Variants in TRPM8 observed in about 807,000 individuals in gnomAD.
TRPM8 encodes the protein TRPM8 cationic channel.
A neutral mutation model predicts 133.7 loss-of-function variants in TRPM8; 110 were observed. That is an observed-to-expected ratio of 0.82 (90% CI 0.70 to 0.96). TRPM8 has a LOEUF of 0.96. Ranked by LOEUF, TRPM8 falls within the 40% of genes least tolerant of loss-of-function variation. TRPM8 has a pLI of 0.00. For synonymous variants in TRPM8, 535 were observed against 532.3 expected, an observed-to-expected ratio of 1.01 and a Z score of -0.07; for missense variants, 1,291 against 1,379.5, an observed-to-expected ratio of 0.94 and a Z score of 1.02.
Position 233,970,396 on chromosome 2 carries a change from C to G in TRPM8, c.2325C>G (p.Val775=). Reference sequence around the variant, plus strand: ...CCGAGCTGGTCCTGTACTCGCTGGTCTTTGTCCTCTTCTGTGATGAAGTGA... The same window carrying G: ...CCGAGCTGGTCCTGTACTCGCTGGTGTTTGTCCTCTTCTGTGATGAAGTGA... ...HPPELVLYSL[V]FVLFCDEVRQ... is the part of the protein sequence containing the mutation. The change falls in exon 17 of 26, where the codon GTC becomes GTG. Residue 775 remains valine, a synonymous_variant. Coordinates refer to ENST00000324695, the MANE Select transcript of TRPM8 (RefSeq NM_024080.5). The G allele has an allele frequency of 6.2e-7, 1 of 1,614,108 alleles. No individual in the cohort carries two copies. Among genetic ancestry groups the G allele is most frequent in the Non-Finnish European group, 8.5e-7 (1 of 1,180,016 alleles).
intron 2 of TRPM8, among the ~76,000 whole-genome samples, chr2:233,927,804 C>T (rs796676221): frequency 4.6e-4 from 20 of 43,336 alleles, no homozygotes; most frequent in African/African-American, 3.1e-3. Flanking sequence ...TCTTTCCTTC[C>T]TTCCTTCCTT....
chr2:233,960,371 T>A (rs1386247854), intron 11 of TRPM8, among the ~76,000 whole-genome samples: 1 of 152,138 alleles, frequency 6.6e-6, no homozygotes, highest in Non-Finnish European at 1.5e-5. Context: ...GCTGTCAACT[T>A]CAAAGAGGTG....
Position 233,985,730 on chromosome 2 carries a change from A to G in TRPM8, c.2804A>G (p.Glu935Gly), listed in dbSNP as rs778692324. Residue 935 changes from glutamate to glycine, a missense_variant, in exon 21 of 26, where the codon GAG becomes GGG. Transcript: ENST00000324695. ...GCCCACTGCACCTTCACTGGGAATG[A>G]GTCCAAGCCACTGTGTGTGGAGCTG... ...DFAHCTFTGN[E>G]SKPLCVELDE... 1.2e-6 allele frequency: 2 copies of G among 1,614,072 alleles called. No homozygotes were observed. Among genetic ancestry groups the G allele is most frequent in the Admixed American group, 3.3e-5 (2 of 60,002 alleles).
At chr2:233,986,956 G>A (rs1187674542) in intron 21 of TRPM8, among the ~76,000 whole-genome samples, 1 of 152,374 alleles carries the variant, frequency 6.6e-6, no homozygotes, top group East Asian at 1.9e-4. Context: ...GTTAAAGGGA[G>A]TCTCTGGTGT....
intron 11 of TRPM8, among the ~76,000 whole-genome samples, chr2:233,957,825 A>G (rs1470940651): frequency 6.6e-6 from 1 of 152,150 alleles, no homozygotes; most frequent in Non-Finnish European, 1.5e-5. Context: ...AGCAAACACT[A>G]CAAATTAGGA....
Position 233,926,605 on chromosome 2 carries a change from C to T in TRPM8, c.68C>T (p.Thr23Ile). The T allele has an allele frequency of 6.2e-7, 1 of 1,614,146 alleles. No individual in the cohort carries two copies. The highest frequency in any genetic ancestry group is 1.1e-5 in the South Asian group (1 of 91,070). The change falls in exon 2 of 26, where the codon ACC becomes ATC. Residue 23 changes from threonine to isoleucine, a missense_variant. By Grantham distance (89) the Thr-to-Ile change is moderately conservative. This residue lies in a region of TRPM8 where 963 missense variants were observed against 968.9 expected (regional missense o/e 0.99). Transcript: ENST00000324695. Reference sequence around the variant, plus strand: ...AATGACACTCTGGACAGCACCCGGACCCTGTACTCCAGCGCGTCTCGGAGC... The same window carrying T: ...AATGACACTCTGGACAGCACCCGGATCCTGTACTCCAGCGCGTCTCGGAGC... ...RRNDTLDSTR[T>I]LYSSASRSTD...
At chr2:233,920,300 G>A (rs554567591) in intron 1 of TRPM8, among the ~76,000 whole-genome samples, 24 of 152,272 alleles carry the variant, frequency 1.6e-4, no homozygotes, top group Admixed American at 3.3e-4. Flanking sequence ...AATTTTTACT[G>A]AGGTTATCTC....
At chr2:233,934,772 G>A (rs1417989003) in intron 3 of TRPM8, among the ~76,000 whole-genome samples, 3 of 152,206 alleles carry the variant, frequency 2.0e-5, no homozygotes, top group African/African-American at 7.2e-5. Context: ...GCAGAAACTT[G>A]GCCACAGTTT....
intron 1 of TRPM8, among the ~76,000 whole-genome samples, chr2:233,920,756 C>A (rs947075589): frequency 1.3e-5 from 2 of 152,094 alleles, no homozygotes; most frequent in Non-Finnish European, 1.5e-5. Context: ...TACTCTTCAC[C>A]CAGTTCCCCT....
intron 1 of TRPM8, among the ~76,000 whole-genome samples, chr2:233,919,106 G>T (rs1691358965): frequency 6.6e-6 from 1 of 151,544 alleles, no homozygotes; most frequent in South Asian, 2.1e-4. Flanking sequence ...TGACACTTTA[G>T]GACTGATTTG....
intron 17 of TRPM8, among the ~76,000 whole-genome samples, chr2:233,972,927 G>A (rs1691769301): frequency 6.6e-6 from 1 of 152,238 alleles, no homozygotes; most frequent in South Asian, 2.1e-4. Context: ...CAGTGCAGCG[G>A]TGGGCTGAAG....
rs754370202 is a variant in TRPM8, at chr2:233,996,478, G to T, written c.3092G>T (p.Cys1031Phe). 1 of 1,614,166 alleles carries T rather than the reference G, an allele frequency of 6.2e-7. No homozygotes were observed. The highest frequency in any genetic ancestry group is 8.5e-7 in the Non-Finnish European group (1 of 1,180,026). The stretch of plus-strand genomic sequence containing the variant: ...ATGGTGGTGAAGAAGTGCTTCAAGT[G>T]TTGCTGCAAGGAGAAAAACATGGAG... ...FYMVVKKCFK[C>F]CCKEKNMESS... is the part of the protein sequence containing the mutation. Residue 1031 changes from cysteine to phenylalanine, a missense_variant, in exon 22 of 26, where the codon TGT becomes TTT. By Grantham distance (205) the Cys-to-Phe change is radical. Transcript: ENST00000324695.
chr2:233,997,022 T>C (rs918668362), intron 22 of TRPM8, among the ~76,000 whole-genome samples: 25 of 152,186 alleles, frequency 1.6e-4, no homozygotes, highest in African/African-American at 5.8e-4. Flanking sequence ...CCCAACACTT[T>C]GGGAGGCCTA....
At chr2:233,979,905 C>A (rs1170959126) in intron 17 of TRPM8, among the ~76,000 whole-genome samples, 1 of 152,118 alleles carries the variant, frequency 6.6e-6, no homozygotes, top group Non-Finnish European at 1.5e-5. Context: ...GTGTACTCAC[C>A]CTCTGCAGGT....
intron 4 of TRPM8, 131 bp downstream of exon 4, chr2:233,937,640 GA>G: frequency 9.2e-7 from 1 of 1,086,166 alleles, no homozygotes; most frequent in Non-Finnish European, 1.3e-6. Flanking sequence ...AACGATTGCA[GA>G]AAAAGATACA....
At chr2:233,955,295 C>T in intron 11 of TRPM8, 45 bp downstream of exon 11, 1 of 1,452,760 alleles carries the variant, frequency 6.9e-7, no homozygotes, top group Middle Eastern at 1.8e-4. Flanking sequence ...TGGGTCTGGA[C>T]AGTGGTCTGG....
In TRPM8 at chr2:233,932,766, TC is replaced by T. The variant is rs1341244374; in HGVS notation, c.191+2026del. 3.3e-5 allele frequency among the ~76,000 whole-genome samples: 5 copies of T among 151,906 alleles called. No homozygotes were observed. The East Asian group carries it at 9.6e-4, about 29-fold the overall frequency. ...TATGCAAGGATGCAGGATTCTATAA[TC>T]TTTGAATCCCCCATGTTTATTATTT... is the stretch of plus-strand genomic sequence containing the variant. On this transcript the variant is annotated intron_variant, in intron 3 of 25. Coordinates refer to ENST00000324695, the MANE Select transcript of TRPM8 (RefSeq NM_024080.5).
intron 3 of TRPM8, among the ~76,000 whole-genome samples, chr2:233,933,143 A>G (rs1304012157): frequency 6.6e-6 from 1 of 151,862 alleles, no homozygotes; most frequent in Non-Finnish European, 1.5e-5. Flanking sequence ...TGCTCTAGTC[A>G]CTTCTCACTT....
At position 233,988,554 on chromosome 2, in the gene TRPM8, T is replaced by G. The variant is rs969533295; in HGVS notation, c.2939+2689T>G. ...AGTTATTAGGAGCTTAGCTTCCTGGTGTATTATATACTGAGAAGCACCAAT... is the reference window on the plus strand; with the variant it reads ...AGTTATTAGGAGCTTAGCTTCCTGGGGTATTATATACTGAGAAGCACCAAT... On this transcript the variant is annotated intron_variant, in intron 21 of 25. Coordinates refer to ENST00000324695, the MANE Select transcript of TRPM8 (RefSeq NM_024080.5). Among the ~76,000 whole-genome samples, 9 of 152,336 alleles carry G rather than the reference T, an allele frequency of 5.9e-5. No individual in the cohort carries two copies. The South Asian group carries it at 1.4e-3, about 25-fold the overall frequency.
Sources: allele counts gnomAD v4.1 joint callset (sites outside exome capture counted in the v4.1 genomes callset), GRCh38; gene constraint gnomAD v4.1.1; regional missense constraint gnomAD v4.1.1; transcripts MANE v1.5; gene names NCBI Gene and HGNC (gene_info 2026-07-23, HGNC 2026-07-21).